The following ENOX1 variants were observed in gnomAD, a reference collection of about 807,000 sequenced individuals.
ENOX1 encodes the protein ecto-NOX disulfide-thiol exchanger 1, also known as candidate growth-related and time keeping constitutive hydroquinone (NADH) oxidase.
In ENOX1, 42 loss-of-function variants were observed where a neutral mutation model predicts 82.5. The ratio of observed to expected loss-of-function variants is 0.51; its 90% CI spans 0.40 to 0.66. The LOEUF (loss-of-function observed/expected upper bound fraction) is 0.66. Among genes scored for constraint, ENOX1 ranks in the 30% least tolerant of loss-of-function variants. The pLI, the probability that ENOX1 is intolerant of heterozygous loss-of-function variation, is 0.00. For missense variants in ENOX1, 608 were observed against 811.6 expected, an observed-to-expected ratio of 0.75 and a Z score of 3.05; for synonymous variants, 271 against 282.2, an observed-to-expected ratio of 0.96 and a Z score of 0.40.
chr13:43,265,340 C>G, intron 14 of ENOX1, 58 bp downstream of exon 14: 1 of 1,438,994 alleles, frequency 6.9e-7, no homozygotes, highest in Non-Finnish European at 9.7e-7. Flanking sequence ...GTGCTACATC[C>G]CCATGTGTTC....
chr13:43,731,033 G>A (rs767099675), intron 1 of ENOX1, among the ~76,000 whole-genome samples: 7 of 152,074 alleles, frequency 4.6e-5, no homozygotes, highest in South Asian at 2.1e-4. Flanking sequence ...ACTCATCTGC[G>A]TATACCCAGT....
At chr13:43,613,318 T>C (rs562816038) in intron 2 of ENOX1, among the ~76,000 whole-genome samples, 38 of 152,318 alleles carry the variant, frequency 2.5e-4, no homozygotes, top group Non-Finnish European at 3.4e-4. Flanking sequence ...ATGACTCAAC[T>C]ATTGGGTACA....
At chr13:43,285,973 C>G (rs1476365067) in intron 12 of ENOX1, among the ~76,000 whole-genome samples, 1 of 152,056 alleles carries the variant, frequency 6.6e-6, no homozygotes, top group Non-Finnish European at 1.5e-5. Context: ...AATCCTGTTG[C>G]CTCTCCTAGC....
intron 3 of ENOX1, among the ~76,000 whole-genome samples, chr13:43,438,626 A>G (rs947847638): frequency 4.6e-5 from 7 of 152,232 alleles, no homozygotes; most frequent in African/African-American, 1.2e-4. Flanking sequence ...ACAAAAATGT[A>G]TCTGTCCCCT....
At chr13:43,531,436 G>A (rs2078208830) in intron 2 of ENOX1, among the ~76,000 whole-genome samples, 1 of 150,992 alleles carries the variant, frequency 6.6e-6, no homozygotes. Context: ...AGGTGCTGGA[G>A]AGCATGTGGA....
chr13:43,429,618 C>T (rs537462582), intron 3 of ENOX1, among the ~76,000 whole-genome samples: 23 of 152,210 alleles, frequency 1.5e-4, no homozygotes, highest in African/African-American at 5.1e-4. Context: ...CCAGCAATGG[C>T]AGGGATCTTT....
At chr13:43,648,631 G>A (rs1353226588) in intron 2 of ENOX1, among the ~76,000 whole-genome samples, 2 of 152,166 alleles carry the variant, frequency 1.3e-5, no homozygotes, top group Non-Finnish European at 2.9e-5. Context: ...GCTGTAAGAG[G>A]TGAAATACCT....
intron 14 of ENOX1, among the ~76,000 whole-genome samples, chr13:43,245,796 A>C (rs1222044081): frequency 5.9e-5 from 9 of 152,212 alleles, no homozygotes; most frequent in Non-Finnish European, 8.8e-5. Flanking sequence ...TCCAAGATGC[A>C]GTGATTCATC....
chr13:43,559,399 A>G (rs1308051637), intron 2 of ENOX1, among the ~76,000 whole-genome samples: 2 of 152,206 alleles, frequency 1.3e-5, no homozygotes, highest in Non-Finnish European at 2.9e-5. Flanking sequence ...TCAGTATTCC[A>G]TGTACAACCT....
intron 5 of ENOX1, among the ~76,000 whole-genome samples, chr13:43,410,685 A>G (rs555889213): frequency 6.6e-6 from 1 of 152,016 alleles, no homozygotes; most frequent in South Asian, 2.1e-4. Flanking sequence ...TTTTTCATTT[A>G]TGGCCACTAT....
At chr13:43,688,325 G>T (rs2086181492) in intron 1 of ENOX1, among the ~76,000 whole-genome samples, 2 of 152,156 alleles carry the variant, frequency 1.3e-5, no homozygotes, top group South Asian at 4.1e-4. Flanking sequence ...TGCTATTTCA[G>T]TAGTCCAGAT....
chr13:43,373,372 T>C (rs979418119), intron 5 of ENOX1, among the ~76,000 whole-genome samples: 1 of 152,158 alleles, frequency 6.6e-6, no homozygotes, highest in African/African-American at 2.4e-5. Context: ...TAAGATATTT[T>C]TCATGCCTGG....
chr13:43,332,247 G>A (rs1481755231), intron 9 of ENOX1, among the ~76,000 whole-genome samples: 1 of 152,130 alleles, frequency 6.6e-6, no homozygotes, highest in Non-Finnish European at 1.5e-5. Flanking sequence ...ATGGTTTGGG[G>A]ATGAAACTGT....
intron 14 of ENOX1, 135 bp downstream of exon 14, chr13:43,265,263 A>C: frequency 1.5e-6 from 1 of 661,500 alleles, no homozygotes; most frequent in Non-Finnish European, 2.5e-6. Context: ...TTTTCTTGCC[A>C]AACCCATATA....
intron 11 of ENOX1, among the ~76,000 whole-genome samples, chr13:43,304,318 T>C (rs971007830): frequency 6.6e-6 from 1 of 152,222 alleles, no homozygotes; most frequent in Admixed American, 6.5e-5. Flanking sequence ...CATGATACAG[T>C]CAATATGATT....
chr13:43,387,999 G>C (rs1306001149), intron 5 of ENOX1, among the ~76,000 whole-genome samples: 5 of 152,148 alleles, frequency 3.3e-5, no homozygotes, highest in African/African-American at 1.2e-4. Context: ...TCCCCAGCTG[G>C]AGAAGCTCAG....
At chr13:43,654,599 G>T (rs960335208) in intron 2 of ENOX1, among the ~76,000 whole-genome samples, 1 of 152,128 alleles carries the variant, frequency 6.6e-6, no homozygotes, top group Admixed American at 6.5e-5. Context: ...TGTATTCTTT[G>T]TTTAAATAAT....
At chr13:43,701,369 C>T (rs2086898769) in intron 1 of ENOX1, among the ~76,000 whole-genome samples, 1 of 152,152 alleles carries the variant, frequency 6.6e-6, no homozygotes, top group Non-Finnish European at 1.5e-5. Flanking sequence ...CAGATGACCA[C>T]AGGTACAAAG....
At chr13:43,278,918 T>A (rs1226394319) in intron 12 of ENOX1, among the ~76,000 whole-genome samples, 1 of 152,220 alleles carries the variant, frequency 6.6e-6, no homozygotes, top group Admixed American at 6.5e-5. Flanking sequence ...CCATTATTAT[T>A]CATTCCATTT....
Sources: allele counts gnomAD v4.1 joint callset (sites outside exome capture counted in the v4.1 genomes callset), GRCh38; gene constraint gnomAD v4.1.1; transcripts MANE v1.5; gene names NCBI Gene and HGNC (gene_info 2026-07-23, HGNC 2026-07-21).